Variants in STC1 observed in about 807,000 individuals in gnomAD.
The protein encoded by STC1 is stanniocalcin 1, also known as stanniocalcin-1.
In STC1, 7 loss-of-function variants were observed where a neutral mutation model predicts 22.6. The observed-to-expected ratio is 0.31, with a 90% CI of 0.18 to 0.58. The LOEUF (loss-of-function observed/expected upper bound fraction) is 0.58. Ranked by LOEUF, STC1 falls within the 20% of genes least tolerant of loss-of-function variation. The pLI is 0.89. For synonymous variants in STC1, 113 were observed against 120.7 expected (o/e 0.94, Z 0.42); for missense variants, 224 against 311.0 (o/e 0.72, Z 2.10).
At position 23,854,542 on chromosome 8, in the gene STC1, T is replaced by A; in HGVS notation, c.-19A>T. 1 of 1,595,468 alleles carries A rather than the reference T, an allele frequency of 6.3e-7. No homozygotes were observed. The highest frequency in any genetic ancestry group is 1.7e-5 in the Admixed American group (1 of 57,632). On this transcript the variant is annotated 5_prime_UTR_variant, in exon 1 of 4. Transcript: ENST00000290271. ...GGAGCATTCTCTGAGAAGTTTCCGCTAAGTTGTTGGGTTTTTTTTTTTTCC... is the reference window on the plus strand; with the variant it reads ...GGAGCATTCTCTGAGAAGTTTCCGCAAAGTTGTTGGGTTTTTTTTTTTTCC...
At position 23,852,340 on chromosome 8, in the gene STC1, C is replaced by T. The variant is rs1258190976; in HGVS notation, c.163G>A (p.Gly55Arg). ...CLNSALQVGC[G>R]AFACLENSTC... The stretch of plus-strand genomic sequence containing the variant: ...GAGTTTTCCAGGCATGCAAAAGCCC[C>T]GCAGCCGACCTGTAGAGCACTGTTG... Residue 55 changes from glycine (G) to arginine (R), a missense_variant, in exon 2 of 4, where the codon GGG becomes AGG. By Grantham distance (125) the Gly-to-Arg change is moderately radical (BLOSUM62 -2). Transcript: ENST00000290271. 7 of 1,613,082 alleles carry T rather than the reference C, an allele frequency of 4.3e-6. No homozygotes were observed. The highest frequency in any genetic ancestry group is 2.2e-5 in the East Asian group (1 of 44,888).
At chr8:23,849,345 C>A (rs778000843) in intron 3 of STC1, among the ~76,000 whole-genome samples, 1 of 152,152 alleles carries the variant, frequency 6.6e-6, no homozygotes, top group Non-Finnish European at 1.5e-5. Context: ...ATAATATAGC[C>A]TGTTAAAGTG....
chr8:23,851,273 A>G, intron 3 of STC1, 47 bp downstream of exon 3: 1 of 1,601,100 alleles, frequency 6.2e-7, no homozygotes, highest in South Asian at 1.1e-5. Context: ...CCAGCCAGCC[A>G]CCTGCTCCCA....
intron 3 of STC1, among the ~76,000 whole-genome samples, chr8:23,845,448 G>A (rs544650716): frequency 2.9e-4 from 44 of 152,220 alleles, no homozygotes; most frequent in African/African-American, 1.0e-3. Flanking sequence ...TTAGAATGAA[G>A]TGAGTCCAAT....
chr8:23,849,388 C>T (rs1347548), intron 3 of STC1, among the ~76,000 whole-genome samples: 88,259 of 151,970 alleles, frequency 0.58, 25,990 homozygotes, highest in South Asian at 0.74. Context: ...TGGAAGATTC[C>T]GGTTTTCAAG....
chr8:23,842,590 C>T lies in STC1; in HGVS notation c.*2180G>A, dbSNP rs573220258. On this transcript the variant is annotated 3_prime_UTR_variant, in exon 4 of 4. Coordinates refer to ENST00000290271, the MANE Select transcript of STC1 (RefSeq NM_003155.3). ...ATGAACTACTTGTCGCATTGGGGTC[C>T]TGGCTTAGTTGGGTTTGCAAAATGG... The T allele has an allele frequency of 2.1e-4, 32 of 152,100 alleles. No individual in the cohort carries two copies. The highest frequency in any genetic ancestry group is 7.5e-4 in the African/African-American group (31 of 41,390). The allele number at this position is 152,100 out of a possible 1,614,324, so 9.4% of individuals were successfully genotyped here. A position where few individuals can be genotyped will look rare whatever the true frequency, so the allele number is the denominator to read the frequency against.
intron 2 of STC1, among the ~76,000 whole-genome samples, chr8:23,851,922 C>T (rs1056428632): frequency 1.3e-5 from 2 of 152,180 alleles, no homozygotes; most frequent in African/African-American, 2.4e-5. Flanking sequence ...TTTATGTCCT[C>T]TTACAGAGGA....
rs1802542031 is a variant in STC1 at position 23,843,850 on chromosome 8, A to C, written c.*920T>G. On this transcript the variant is annotated 3_prime_UTR_variant, in exon 4 of 4. Transcript: ENST00000290271. ...AAACTACTTCTACCCCCTTAGTTAT[A>C]AAAAAGGCCACAAGGAGCATTTATG... is the stretch of plus-strand genomic sequence containing the variant. 6.6e-6 allele frequency: 1 copy of C among 152,652 alleles called. No homozygotes were observed. The highest frequency in any genetic ancestry group is 2.1e-4 in the South Asian group (1 of 4,834). 9.5% of individuals were successfully genotyped at this position (152,652 alleles called of 1,614,324 possible).
chr8:23,846,807 A>T (rs947232953), intron 3 of STC1, among the ~76,000 whole-genome samples: 2 of 152,214 alleles, frequency 1.3e-5, no homozygotes, highest in Non-Finnish European at 1.5e-5. Flanking sequence ...ATTACAAAGC[A>T]CATGAGTCAA....
In STC1 at chr8:23,854,386, C is replaced by G. The variant is rs749573405; in HGVS notation, c.118+20G>C. ...GGACAGCTCTTTGGGGGAGAAACCG[C>G]TCTTGGGTTTGCTGCTTACCTGAGT... On this transcript the variant is annotated intron_variant, in intron 1 of 3. Coordinates refer to ENST00000290271, the MANE Select transcript of STC1 (RefSeq NM_003155.3). 4 of 1,608,402 alleles carry G rather than the reference C, an allele frequency of 2.5e-6. No homozygotes were observed. Among genetic ancestry groups the G allele is most frequent in the Non-Finnish European group, 3.4e-6 (4 of 1,174,836 alleles).
chr8:23,845,561 T>C (rs542501464), intron 3 of STC1, among the ~76,000 whole-genome samples: 17 of 152,178 alleles, frequency 1.1e-4, no homozygotes, highest in African/African-American at 3.4e-4. Context: ...CAGGTGTGTG[T>C]GTGTGTGTGT....
chr8:23,848,554 A>AAAAAGAAGAAG (rs1554520348), intron 3 of STC1, among the ~76,000 whole-genome samples: 3 of 139,502 alleles, frequency 2.2e-5, no homozygotes, highest in African/African-American at 8.4e-5. Flanking sequence ...AAAAAAAAAA[A>AAAAAGAAGAAG]AAGAAGAAGA....
chr8:23,849,498 G>T (rs1367471971), intron 3 of STC1, among the ~76,000 whole-genome samples: 1 of 152,054 alleles, frequency 6.6e-6, no homozygotes, highest in African/African-American at 2.4e-5. Context: ...ATTTTCTAAA[G>T]GTGTTGAAAA....
intron 3 of STC1, among the ~76,000 whole-genome samples, chr8:23,847,797 G>C (rs777823405): frequency 1.3e-5 from 2 of 152,220 alleles, no homozygotes; most frequent in Non-Finnish European, 2.9e-5. Context: ...TGGTCTTATA[G>C]TTCCTATAGC....
rs143262542 is a variant in STC1, at chr8:23,852,520, G to A, written c.119-136C>T. ...TAGGAATCTGTCATGAGGGGCAATT[G>A]ATAGACCCATTTGATTGAGAAAGAG... On this transcript the variant is annotated intron_variant, in intron 1 of 3. Transcript: ENST00000290271. The A allele has an allele frequency of 8.4e-4, 734 of 876,480 alleles. 8 individuals carry two copies. The African/African-American group carries it at 0.011, about 13-fold the overall frequency. 54.3% of individuals were successfully genotyped at this position (876,480 alleles called of 1,614,324 possible).
Position 23,852,393 on chromosome 8 carries a change from GAC to G in STC1, c.119-11_119-10del, listed in dbSNP as rs1277421850. ...GCAACGAACCACTTCAGCTGAAAGAGACAAATCCATCCATTCTGGGTCAAACA... is the reference window on the plus strand; with the variant it reads ...GCAACGAACCACTTCAGCTGAAAGAGAAATCCATCCATTCTGGGTCAAACA... On this transcript the variant is annotated splice_polypyrimidine_tract_variant and intron_variant, in intron 1 of 3. Transcript: ENST00000290271. The G allele has an allele frequency of 1.3e-6, 2 of 1,585,670 alleles. No homozygotes were observed. The highest frequency in any genetic ancestry group is 2.7e-5 in the African/African-American group (2 of 74,168).
In STC1 at chr8:23,854,198, C is replaced by T. The variant is rs143146918; in HGVS notation, c.118+208G>A. ...ATGCAATGAAATACCCTCAGCAGAG[C>T]GTCCAGCTTCTTCGTTTAGTTGCAT... On this transcript the variant is annotated intron_variant, in intron 1 of 3. Coordinates refer to ENST00000290271, the MANE Select transcript of STC1 (RefSeq NM_003155.3). 2,438 of 1,143,436 alleles carry T rather than the reference C, an allele frequency of 2.1e-3. 5 individuals are homozygous for T. Among genetic ancestry groups the T allele is most frequent in the Middle Eastern group, 4.9e-3 (16 of 3,262 alleles). 70.8% of individuals were successfully genotyped at this position (1,143,436 alleles called of 1,614,324 possible).
chr8:23,846,091 C>A (rs1802568695), intron 3 of STC1, among the ~76,000 whole-genome samples: 1 of 152,144 alleles, frequency 6.6e-6, no homozygotes, highest in African/African-American at 2.4e-5. Context: ...ATATAATTCT[C>A]TCCAATAAGT....
chr8:23,852,939 A>C (rs1291145928), intron 1 of STC1, among the ~76,000 whole-genome samples: 3 of 152,180 alleles, frequency 2.0e-5, no homozygotes, highest in Non-Finnish European at 4.4e-5. Context: ...TCATATTGGC[A>C]AAAAGAAATC....
Sources: allele counts gnomAD v4.1 joint callset (sites outside exome capture counted in the v4.1 genomes callset), GRCh38; gene constraint gnomAD v4.1.1; transcripts MANE v1.5; gene names NCBI Gene and HGNC (gene_info 2026-07-23, HGNC 2026-07-21).